Variants in TRIM69 observed in about 807,000 individuals in gnomAD.
TRIM69 encodes tripartite motif containing 69, also known as E3 ubiquitin-protein ligase TRIM69.
Under a neutral mutation model 37.7 loss-of-function variants are expected in TRIM69, and 29 were observed. The observed-to-expected ratio is 0.77, with a 90% CI of 0.57 to 1.05. The LOEUF is 1.05. Among genes scored for constraint, TRIM69 ranks in the 50% least tolerant of loss-of-function variants. The pLI, the probability that TRIM69 is intolerant of heterozygous loss-of-function variation, is 0.00. For missense variants in TRIM69, 596 were observed against 579.9 expected, an observed-to-expected ratio of 1.03 and a Z score of -0.28; for synonymous variants, 209 against 212.4, an observed-to-expected ratio of 0.98 and a Z score of 0.14.
At chr15:44,746,782 T>A (rs2087418327) in intron 1 of TRIM69, among the ~76,000 whole-genome samples, 2 of 151,794 alleles carry the variant, frequency 1.3e-5, no homozygotes. Flanking sequence ...ACACACATCT[T>A]TCTTTAAATA....
At chr15:44,755,829 T>C (rs762135722) in intron 2 of TRIM69, among the ~76,000 whole-genome samples, 1 of 152,110 alleles carries the variant, frequency 6.6e-6, no homozygotes, top group Non-Finnish European at 1.5e-5. Flanking sequence ...AGGGGACATA[T>C]AGTGAAAGAA....
Position 44,736,581 on chromosome 15 carries a change from C to A in TRIM69, c.-124C>A. ...TCCAGCTCCTGAACTTTTCTTTCTT[C>A]CATCATGCTCTGAGCCCATTCCTTG... On this transcript the variant is annotated 5_prime_UTR_variant, in exon 1 of 7. Transcript: ENST00000329464. 8.8e-7 allele frequency: 1 copy of A among 1,131,212 alleles called. No homozygotes were observed. The highest frequency in any genetic ancestry group is 1.2e-6 in the Non-Finnish European group (1 of 807,506). The allele number at this position is 1,131,212 out of a possible 1,614,324, so 70.1% of individuals were successfully genotyped here. A position where few individuals can be genotyped will look rare whatever the true frequency, so the allele number is the denominator to read the frequency against.
intron 1 of TRIM69, among the ~76,000 whole-genome samples, chr15:44,738,194 G>A (rs942171284): frequency 1.3e-5 from 2 of 151,014 alleles, no homozygotes; most frequent in African/African-American, 2.4e-5. Flanking sequence ...AAATAGCTGG[G>A]ACTGCAGGGA....
At chr15:44,737,427 G>T (rs2087184610) in intron 1 of TRIM69, among the ~76,000 whole-genome samples, 1 of 152,064 alleles carries the variant, frequency 6.6e-6, no homozygotes, top group South Asian at 2.1e-4. Flanking sequence ...TAAGCATTTT[G>T]TTTATAATTT....
chr15:44,751,758 G>A (rs1297436539), intron 1 of TRIM69, among the ~76,000 whole-genome samples: 1 of 151,962 alleles, frequency 6.6e-6, no homozygotes, highest in Non-Finnish European at 1.5e-5. Flanking sequence ...TTGTTTATTT[G>A]TTTTTGAGAC....
At chr15:44,739,401 G>A (rs910368192) in intron 1 of TRIM69, among the ~76,000 whole-genome samples, 37 of 152,324 alleles carry the variant, frequency 2.4e-4, no homozygotes, top group East Asian at 7.7e-4. Context: ...GCAGCGCACC[G>A]TGCGTGAGCC....
At position 44,763,677 on chromosome 15, in the gene TRIM69, CTGA is replaced by C. The variant is rs561583237; in HGVS notation, c.962-3550_962-3548del. ...TATGATGAATTTCATATTGTTTGTA[CTGA>C]TGAATTCATATTGGTGAATTTTGTA... On this transcript the variant is annotated intron_variant, in intron 6 of 6. Coordinates refer to ENST00000329464, the MANE Select transcript of TRIM69 (RefSeq NM_182985.5). Among the ~76,000 whole-genome samples the C allele has an allele frequency of 1.1e-4, 16 of 152,230 alleles. No individual in the cohort carries two copies. The East Asian group carries it at 3.1e-3, about 29-fold the overall frequency.
intron 1 of TRIM69, among the ~76,000 whole-genome samples, chr15:44,742,226 A>G (rs1209598290): frequency 2.0e-5 from 3 of 150,762 alleles, no homozygotes; most frequent in Non-Finnish European, 4.4e-5. Flanking sequence ...CCACATGATT[A>G]TCTCAATAGA....
chr15:44,762,319 T>G (rs998365767), intron 6 of TRIM69, among the ~76,000 whole-genome samples: 3 of 152,162 alleles, frequency 2.0e-5, no homozygotes, highest in Non-Finnish European at 4.4e-5. Flanking sequence ...ATCAATTTGA[T>G]TATACGTGGT....
In TRIM69 at chr15:44,762,743, C is replaced by A. The variant is rs1338518827; in HGVS notation, c.961+2871C>A. ...CTTATCTCTTCTCACCATGTTCATGCCTTCCTCTACATTCTTGAAAAAATG... is the reference window on the plus strand; with the variant it reads ...CTTATCTCTTCTCACCATGTTCATGACTTCCTCTACATTCTTGAAAAAATG... On this transcript the variant is annotated intron_variant, in intron 6 of 6. Coordinates refer to ENST00000329464, the MANE Select transcript of TRIM69 (RefSeq NM_182985.5). Among the ~76,000 whole-genome samples, 5 of 152,052 alleles carry A rather than the reference C, an allele frequency of 3.3e-5. 1 individual carries two copies. Among genetic ancestry groups the A allele is most frequent in the African/African-American group, 1.2e-4 (5 of 41,408 alleles).
intron 1 of TRIM69, chr15:44,753,382 T>C (rs1044431738): frequency 6.6e-6 from 1 of 152,180 alleles, no homozygotes; most frequent in Admixed American, 6.5e-5. Flanking sequence ...CCTCCCAAAG[T>C]GTTGGGATTA....
chr15:44,736,663 G>T lies in TRIM69; in HGVS notation c.-42G>T. The T allele has an allele frequency of 6.2e-7, 1 of 1,610,440 alleles. No homozygotes were observed. Among genetic ancestry groups the T allele is most frequent in the African/African-American group, 1.3e-5 (1 of 74,562 alleles). On this transcript the variant is annotated 5_prime_UTR_variant, in exon 1 of 7. Transcript: ENST00000329464. The stretch of plus-strand genomic sequence containing the variant: ...AGCCATCCTGGGCCTGCTGAGCTCT[G>T]ATTCAAGTGCCTGCCTCTGCCCCTT...
chr15:44,749,378 G>A (rs1312629357), intron 1 of TRIM69, among the ~76,000 whole-genome samples: 1 of 152,128 alleles, frequency 6.6e-6, no homozygotes, highest in Non-Finnish European at 1.5e-5. Flanking sequence ...AGTGATATGA[G>A]CAGTCACTCC....
intron 6 of TRIM69, among the ~76,000 whole-genome samples, chr15:44,765,611 G>A (rs931936457): frequency 1.4e-5 from 2 of 146,760 alleles, no homozygotes; most frequent in Admixed American, 1.4e-4. Context: ...AATATCAGCT[G>A]AGCGTGGTGG....
intron 1 of TRIM69, among the ~76,000 whole-genome samples, chr15:44,738,721 C>T (rs2087216192): frequency 6.6e-6 from 1 of 152,156 alleles, no homozygotes; most frequent in Non-Finnish European, 1.5e-5. Flanking sequence ...AAATCTGAGA[C>T]CCACTACTTA....
intron 1 of TRIM69, chr15:44,754,629 G>A (rs543331376): frequency 2.6e-6 from 1 of 380,488 alleles, no homozygotes; most frequent in South Asian, 8.7e-5. Flanking sequence ...CTTGGGGAAA[G>A]TGGGTAAAGA....
intron 6 of TRIM69, among the ~76,000 whole-genome samples, 178 bp from the exon 7 acceptor site, chr15:44,767,053 C>CAAAAAAAAAAAAAA (rs55736812): frequency 0.014 from 339 of 24,314 alleles, 116 homozygotes; most frequent in Non-Finnish European, 0.016. Flanking sequence ...TTGTCTGCCT[C>CAAAAAAAAAAAAAA]AAAAAAAAAA....
At position 44,758,600 on chromosome 15, in the gene TRIM69, G is replaced by A. The variant is rs774690238; in HGVS notation, c.580-21G>A. 1.2e-5 allele frequency: 20 copies of A among 1,613,302 alleles called. No homozygotes were observed. In the South Asian group the frequency reaches 2.1e-4, roughly 17 times the overall value. ...CACTAGTCTCTGCAATAACCATGGT[G>A]ATAATCATGGAGGTTTCCAGGAAAA... On this transcript the variant is annotated intron_variant, in intron 3 of 6. Coordinates refer to ENST00000329464, the MANE Select transcript of TRIM69 (RefSeq NM_182985.5).
intron 6 of TRIM69, among the ~76,000 whole-genome samples, chr15:44,764,251 G>T (rs921635843): frequency 6.6e-6 from 1 of 151,896 alleles, no homozygotes; most frequent in Non-Finnish European, 1.5e-5. Context: ...TAAATTTTTG[G>T]TATAATTTTA....
Sources: allele counts gnomAD v4.1 joint callset (sites outside exome capture counted in the v4.1 genomes callset), GRCh38; gene constraint gnomAD v4.1.1; transcripts MANE v1.5; gene names NCBI Gene and HGNC (gene_info 2026-07-23, HGNC 2026-07-21).